The following MAD1L1 variants were observed in gnomAD, a reference collection of about 807,000 sequenced individuals.
MAD1L1 encodes mitotic spindle assembly checkpoint protein MAD1.
MAD1L1 carries 95 observed loss-of-function variants against 96.9 expected under a neutral mutation model. That is an observed-to-expected ratio of 0.98 (90% CI 0.83 to 1.16). The LOEUF (loss-of-function observed/expected upper bound fraction) is 1.16. Ranked by LOEUF, MAD1L1 falls within the 50% of genes most tolerant of loss-of-function variation. MAD1L1 has a pLI of 0.00. For missense variants in MAD1L1, 1,007 were observed against 954.4 expected (o/e 1.06, Z -0.73); for synonymous variants, 473 against 396.6 (o/e 1.19, Z -2.29).
chr7:1,937,212 C>T (rs550131040), intron 16 of MAD1L1, among the ~76,000 whole-genome samples: 36 of 152,292 alleles, frequency 2.4e-4, no homozygotes, highest in African/African-American at 8.2e-4. Context: ...TCCCAGAATT[C>T]CACACTCAGT....
intron 17 of MAD1L1, among the ~76,000 whole-genome samples, chr7:1,898,968 A>C (rs899006648): frequency 8.5e-5 from 13 of 152,204 alleles, no homozygotes; most frequent in Non-Finnish European, 1.8e-4. Context: ...CAGCACCGAC[A>C]AACAGGGAGG....
intron 15 of MAD1L1, among the ~76,000 whole-genome samples, chr7:1,962,147 C>T (rs1346132935): frequency 6.7e-6 from 1 of 149,870 alleles, no homozygotes; most frequent in African/African-American, 2.5e-5. Flanking sequence ...GGGAAGGACA[C>T]GGTGGGAGAT....
At chr7:1,845,697 A>G (rs1410874545) in intron 18 of MAD1L1, 3 of 151,960 alleles carry the variant, frequency 2.0e-5, no homozygotes, top group African/African-American at 7.3e-5. Context: ...CACGGGGAAG[A>G]GCGCTGTTTA....
intron 11 of MAD1L1, among the ~76,000 whole-genome samples, chr7:2,100,538 C>T (rs1786726257): frequency 1.3e-5 from 2 of 152,280 alleles, no homozygotes; most frequent in Admixed American, 1.3e-4. Context: ...AGGACAAGCC[C>T]TGAGCGGGCC....
chr7:2,209,629 G>T (rs1263568058), intron 10 of MAD1L1, among the ~76,000 whole-genome samples: 1 of 152,222 alleles, frequency 6.6e-6, no homozygotes, highest in Non-Finnish European at 1.5e-5. Flanking sequence ...AAGCTGCTGT[G>T]GGAAGGATCA....
chr7:2,102,405 C>T (rs1213533752), intron 11 of MAD1L1, among the ~76,000 whole-genome samples: 1 of 150,960 alleles, frequency 6.6e-6, no homozygotes, highest in Non-Finnish European at 1.5e-5. Flanking sequence ...CACTAGCACT[C>T]TCACCATGTC....
At chr7:2,055,453 C>A (rs543191116) in intron 12 of MAD1L1, among the ~76,000 whole-genome samples, 1 of 152,058 alleles carries the variant, frequency 6.6e-6, no homozygotes, top group Non-Finnish European at 1.5e-5. Flanking sequence ...ACATGGGGAC[C>A]GCAGGCTGCA....
At chr7:2,016,605 G>A (rs1232903241) in intron 12 of MAD1L1, among the ~76,000 whole-genome samples, 2 of 152,236 alleles carry the variant, frequency 1.3e-5, no homozygotes, top group Non-Finnish European at 2.9e-5. Flanking sequence ...AGGAGGGCGA[G>A]GCTGCAGGGG....
intron 18 of MAD1L1, among the ~76,000 whole-genome samples, chr7:1,830,109 C>T (rs1415412945): frequency 1.3e-5 from 2 of 152,204 alleles, no homozygotes; most frequent in South Asian, 2.1e-4. Context: ...CAGGGGCTTA[C>T]ACAACAGGCC....
intron 18 of MAD1L1, among the ~76,000 whole-genome samples, chr7:1,877,504 T>C (rs947768002): frequency 6.6e-6 from 1 of 151,352 alleles, no homozygotes; most frequent in Non-Finnish European, 1.5e-5. Context: ...AAAAAAAGAA[T>C]ATACGAGACA....
At chr7:1,826,416 C>A (rs1434234721) in intron 18 of MAD1L1, among the ~76,000 whole-genome samples, 1 of 152,218 alleles carries the variant, frequency 6.6e-6, no homozygotes, top group Non-Finnish European at 1.5e-5. Context: ...GCCTCACTCC[C>A]TCATGGATGC....
chr7:1,927,286 T>C (rs1789144811), intron 17 of MAD1L1, among the ~76,000 whole-genome samples: 1 of 152,342 alleles, frequency 6.6e-6, no homozygotes, highest in East Asian at 1.9e-4. Flanking sequence ...GAAGACTCAC[T>C]GCAACCAAGA....
intron 10 of MAD1L1, among the ~76,000 whole-genome samples, chr7:2,167,207 A>G (rs186015479): frequency 1.2e-4 from 19 of 152,332 alleles, no homozygotes; most frequent in African/African-American, 4.6e-4. Context: ...CCAAGGGACT[A>G]TGACTTCAGA....
intron 17 of MAD1L1, among the ~76,000 whole-genome samples, chr7:1,922,429 T>C (rs957981291): frequency 1.3e-5 from 2 of 152,248 alleles, no homozygotes; most frequent in African/African-American, 4.8e-5. Context: ...GCACTGCTAT[T>C]GTGTAATATT....
intron 12 of MAD1L1, among the ~76,000 whole-genome samples, chr7:2,067,203 CCGGGG>C (rs1784915043): frequency 1.5e-5 from 2 of 130,468 alleles, no homozygotes; most frequent in African/African-American, 7.6e-5. Flanking sequence ...TCGCAGGCAC[CCGGGG>C]TCATCAGGCC....
At chr7:1,944,941 C>T (rs1331747610) in intron 16 of MAD1L1, among the ~76,000 whole-genome samples, 1 of 152,226 alleles carries the variant, frequency 6.6e-6, no homozygotes, top group Non-Finnish European at 1.5e-5. Flanking sequence ...TGTGGCTTGG[C>T]AGCCCCTGCA....
intron 11 of MAD1L1, among the ~76,000 whole-genome samples, chr7:2,122,813 T>G (rs542701743): frequency 9.8e-4 from 149 of 152,294 alleles, no homozygotes; most frequent in Admixed American, 2.8e-3. Flanking sequence ...AGCTGGGAAG[T>G]CAAGGCGCAG....
chr7:2,091,754 C>T (rs879565947), intron 11 of MAD1L1, among the ~76,000 whole-genome samples: 19 of 147,462 alleles, frequency 1.3e-4, no homozygotes, highest in Admixed American at 1.4e-4. Context: ...ACAGCCTGGG[C>T]GACAGAGCGA....
intron 11 of MAD1L1, among the ~76,000 whole-genome samples, chr7:2,126,456 C>T (rs1199622585): frequency 6.6e-6 from 1 of 152,334 alleles, no homozygotes; most frequent in African/African-American, 2.4e-5. Context: ...CCTGGAGGTC[C>T]TGTGCACAGC....
Sources: allele counts gnomAD v4.1 joint callset (sites outside exome capture counted in the v4.1 genomes callset), GRCh38; gene constraint gnomAD v4.1.1; transcripts MANE v1.5; gene names NCBI Gene and HGNC (gene_info 2026-07-23, HGNC 2026-07-21).